Variants in ZBTB43 observed in about 807,000 individuals in gnomAD.
ZBTB43 encodes zinc finger and BTB domain-containing protein 43.
In ZBTB43, 6 loss-of-function variants were observed where a neutral mutation model predicts 31.1. The observed-to-expected ratio is 0.19, with a 90% CI of 0.11 to 0.38. The LOEUF (loss-of-function observed/expected upper bound fraction) is 0.38. Ranked by LOEUF, ZBTB43 falls within the 10% of genes least tolerant of loss-of-function variation. The pLI, the probability that ZBTB43 is intolerant of heterozygous loss-of-function variation, is 1.00. For synonymous variants in ZBTB43, 212 were observed against 221.7 expected (o/e 0.96, Z 0.39); for missense variants, 379 against 602.1 (o/e 0.63, Z 3.88).
At chr9:126,813,637 G>A (rs540119680) in intron 2 of ZBTB43, among the ~76,000 whole-genome samples, 5 of 152,130 alleles carry the variant, frequency 3.3e-5, no homozygotes, top group African/African-American at 4.8e-5. Context: ...CAATAACTCA[G>A]TGTCTTCAAC....
chr9:126,815,687 C>G (rs2032371032), intron 2 of ZBTB43, among the ~76,000 whole-genome samples: 1 of 145,330 alleles, frequency 6.9e-6, no homozygotes, highest in South Asian at 2.1e-4. Context: ...GTTTCCCTGT[C>G]TGTACCTAAC....
chr9:126,836,564 C>A lies in ZBTB43; in HGVS notation c.*2651C>A, dbSNP rs561169805. The A allele has an allele frequency of 6.0e-6, 1 of 167,120 alleles. No individual in the cohort carries two copies. Among genetic ancestry groups the A allele is most frequent in the African/African-American group, 2.4e-5 (1 of 41,530 alleles). The allele number at this position is 167,120 out of a possible 1,614,324, so 10.4% of individuals were successfully genotyped here. A position where few individuals can be genotyped will look rare whatever the true frequency, so the allele number is the denominator to read the frequency against. On this transcript the variant is annotated 3_prime_UTR_variant, in exon 3 of 3. Transcript: ENST00000373464. ...GAATTTTTGTAAACTCTGGTTTTTA[C>A]CTTTTTTTCATCCCCACGTTGAGTT...
chr9:126,815,160 AATGT>A (rs1473164587), intron 2 of ZBTB43, among the ~76,000 whole-genome samples: 7 of 150,422 alleles, frequency 4.7e-5, no homozygotes, highest in Admixed American at 6.6e-5. Flanking sequence ...ATATGTATAA[AATGT>A]ATGTGTGTAT....
chr9:126,832,364 C>G, intron 2 of ZBTB43, 123 bp from the exon 3 acceptor site: 1 of 885,660 alleles, frequency 1.1e-6, no homozygotes, highest in Non-Finnish European at 1.7e-6. Context: ...AATCCCTTAC[C>G]CAGTGGGGCC....
intron 2 of ZBTB43, among the ~76,000 whole-genome samples, chr9:126,811,799 T>G (rs1485107434): frequency 6.6e-6 from 1 of 152,148 alleles, no homozygotes; most frequent in African/African-American, 2.4e-5. Flanking sequence ...CTAATTTTTG[T>G]GTTTTTAGTA....
rs1448148899 is a variant in ZBTB43, at chr9:126,833,946, A to C, written c.*33A>C. The C allele has an allele frequency of 6.5e-7, 1 of 1,531,118 alleles. No individual in the cohort carries two copies. Among genetic ancestry groups the C allele is most frequent in the African/African-American group, 1.4e-5 (1 of 72,910 alleles). 94.8% of individuals were successfully genotyped at this position (1,531,118 alleles called of 1,614,324 possible). A position where few individuals can be genotyped will look rare whatever the true frequency, so the allele number is the denominator to read the frequency against. On this transcript the variant is annotated 3_prime_UTR_variant, in exon 3 of 3. Coordinates refer to ENST00000373464, the MANE Select transcript of ZBTB43 (RefSeq NM_014007.4). This position sits in a 1 kb window ranked among gnomAD's most constrained non-coding sequence, Gnocchi z 7.9. Reference sequence around the variant, plus strand: ...ATCTGGCCCTTGAGTGGCATGCACAAAAATAAACTATGGTAATTAATGCAA... The same window carrying C: ...ATCTGGCCCTTGAGTGGCATGCACACAAATAAACTATGGTAATTAATGCAA...
At chr9:126,820,189 A>G (rs2032479533) in intron 2 of ZBTB43, among the ~76,000 whole-genome samples, 1 of 152,250 alleles carries the variant, frequency 6.6e-6, no homozygotes, top group Non-Finnish European at 1.5e-5. Flanking sequence ...ACTAAACCAC[A>G]GATTTTCAAT....
chr9:126,824,933 C>T (rs1180324358), intron 2 of ZBTB43, among the ~76,000 whole-genome samples: 1 of 152,128 alleles, frequency 6.6e-6, no homozygotes, highest in Non-Finnish European at 1.5e-5. Flanking sequence ...AGGTTGTATT[C>T]ATTTTTCTTT....
In ZBTB43 at chr9:126,808,613, G is replaced by GT. The variant is rs968414701; in HGVS notation, c.-146-173dup. 7.2e-5 allele frequency among the ~76,000 whole-genome samples: 11 copies of GT among 152,102 alleles called. No individual in the cohort carries two copies. The East Asian group carries it at 1.7e-3, about 24-fold the overall frequency. ...TTTAAAATTATTACAAAATAAGTTT[G>GT]TTTTTTTAAAAAATACAAAAGCAGG... is the stretch of plus-strand genomic sequence containing the variant. On this transcript the variant is annotated intron_variant, in intron 1 of 2. Transcript: ENST00000373464.
At chr9:126,804,995 G>C (rs1033506201), upstream of ZBTB43, 5 of 152,492 alleles carry the variant, frequency 3.3e-5, no homozygotes, top group African/African-American at 9.6e-5. Context: ...GTCAGTTTCG[G>C]GGGGCGGGAC....
At chr9:126,824,613 T>C (rs2032592880) in intron 2 of ZBTB43, among the ~76,000 whole-genome samples, 1 of 152,204 alleles carries the variant, frequency 6.6e-6, no homozygotes, top group Non-Finnish European at 1.5e-5. Context: ...TCCATATGGT[T>C]TCTGCTTATG....
chr9:126,826,055 C>T (rs983106865), intron 2 of ZBTB43, among the ~76,000 whole-genome samples: 4 of 149,098 alleles, frequency 2.7e-5, no homozygotes, highest in Non-Finnish European at 3.0e-5. Context: ...CTCTTGTTGC[C>T]CAGGCTGGAG....
chr9:126,833,443 G>C lies in ZBTB43; in HGVS notation c.934G>C (p.Asp312His). 4 of 1,614,214 alleles carry C rather than the reference G, an allele frequency of 2.5e-6. No homozygotes were observed. The highest frequency in any genetic ancestry group is 3.4e-6 in the Non-Finnish European group (4 of 1,180,038). The change falls in exon 3 of 3, where the codon GAT becomes CAT. Residue 312 changes from aspartate (D) to histidine (H), a missense_variant. Physicochemically the swap from Asp to His is moderately conservative, Grantham distance 81 (BLOSUM62 -1). Around this residue, in one of 5 missense-constraint regions of ZBTB43, gnomAD observed 253 missense variants for 322.3 expected, o/e 0.79. Coordinates refer to ENST00000373464, the MANE Select transcript of ZBTB43 (RefSeq NM_014007.4). The surrounding 1 kb of genome is among the most constrained non-coding windows in gnomAD (Gnocchi z 7.9). ...TGAACAGGCTGATGAAAGCAATTAT[G>C]ATGAGCAGGTGGATTTCTATGGCTC... ...FDEQADESNY[D>H]EQVDFYGSSM... is the part of the protein sequence containing the mutation.
intron 2 of ZBTB43, 142 bp from the exon 3 acceptor site, chr9:126,832,345 T>C: frequency 1.3e-6 from 1 of 743,324 alleles, no homozygotes; most frequent in Non-Finnish European, 2.1e-6. Context: ...AGCTTTGCTC[T>C]AGGGATTGAA....
intron 2 of ZBTB43, among the ~76,000 whole-genome samples, chr9:126,829,963 A>G (rs1379577895): frequency 3.9e-5 from 6 of 152,240 alleles, no homozygotes; most frequent in Non-Finnish European, 7.3e-5. Context: ...TAAGATGTAT[A>G]AAACGATAAA....
At chr9:126,821,289 T>C (rs1371554026) in intron 2 of ZBTB43, among the ~76,000 whole-genome samples, 2 of 150,584 alleles carry the variant, frequency 1.3e-5, no homozygotes, top group Non-Finnish European at 3.0e-5. Flanking sequence ...GGCAGGAGAA[T>C]TGCTTGAAGG....
Position 126,833,769 on chromosome 9 carries a change from A to G in ZBTB43, c.1260A>G (p.Lys420=). The stretch of plus-strand genomic sequence containing the variant: ...AGCACCATCTCGTGGGCCACATGAA[A>G]ATTCACACAGGCATAAAGCCGTATG... ...KMKHHLVGHM[K]IHTGIKPYEC... is the part of the protein sequence containing the mutation. The change falls in exon 3 of 3, where the codon AAA becomes AAG. Residue 420 remains lysine (K), a synonymous_variant. Coordinates refer to ENST00000373464, the MANE Select transcript of ZBTB43 (RefSeq NM_014007.4). This position sits in a 1 kb window ranked among gnomAD's most constrained non-coding sequence, Gnocchi z 7.9. 2 of 1,611,626 alleles carry G rather than the reference A, an allele frequency of 1.2e-6. No homozygotes were observed. The highest frequency in any genetic ancestry group is 1.7e-6 in the Non-Finnish European group (2 of 1,177,880).
At chr9:126,810,128 C>T (rs1358304078) in intron 2 of ZBTB43, among the ~76,000 whole-genome samples, 2 of 152,032 alleles carry the variant, frequency 1.3e-5, no homozygotes. Flanking sequence ...AGCCACCGCG[C>T]CCGGCCCACT....
intron 2 of ZBTB43, among the ~76,000 whole-genome samples, chr9:126,830,490 C>A (rs904993193): frequency 6.6e-6 from 1 of 152,088 alleles, no homozygotes; most frequent in Non-Finnish European, 1.5e-5. Context: ...GCAAAAAATA[C>A]AAAAATTAGC....
Sources: gnomAD v4.1 joint callset for allele counts (sites outside exome capture counted in the v4.1 genomes callset) on GRCh38, gnomAD v4.1.1 for gene constraint, gnomAD v4.1.1 regional missense constraint, Gnocchi (gnomAD v3.1) non-coding constraint, MANE v1.5 for transcripts, NCBI Gene and HGNC (gene_info 2026-07-23, HGNC 2026-07-21) for gene names.